Variants in CCNI observed in about 807,000 individuals in gnomAD.
CCNI encodes cyclin-I.
CCNI carries 14 observed loss-of-function variants against 34.1 expected under a neutral mutation model. The ratio of observed to expected loss-of-function variants is 0.41; its 90% confidence interval spans 0.27 to 0.64. CCNI has a LOEUF of 0.64. Among genes scored for constraint, CCNI ranks in the 30% least tolerant of loss-of-function variants. The pLI is 0.31. For synonymous variants in CCNI, 154 were observed against 158.4 expected (o/e 0.97, Z 0.21); for missense variants, 385 against 440.5 (o/e 0.87, Z 1.13).
In CCNI at chr4:77,048,098, TGG is replaced by T; in HGVS notation, c.*119_*120del. 1.6e-6 allele frequency: 1 copy of T among 620,408 alleles called. No homozygotes were observed. Among genetic ancestry groups the T allele is most frequent in the Non-Finnish European group, 2.7e-6 (1 of 368,854 alleles). 38.4% of individuals were successfully genotyped at this position (620,408 alleles called of 1,614,324 possible). A position where few individuals can be genotyped will look rare whatever the true frequency, so the allele number is the denominator to read the frequency against. On this transcript the variant is annotated 3_prime_UTR_variant, in exon 7 of 7. Transcript: ENST00000237654. Reference sequence around the variant, plus strand: ...TAATGAGAGTTTTATTTTTTTTTTCTGGCTCACTCCAAATCAGCCTGTTAAGG... The same window carrying T: ...TAATGAGAGTTTTATTTTTTTTTTCTCTCACTCCAAATCAGCCTGTTAAGG...
Position 77,075,957 on chromosome 4 carries a change from C to A in CCNI, c.-529G>T, listed in dbSNP as rs1311836546. The A allele has an allele frequency of 6.6e-6, 1 of 151,504 alleles. No individual in the cohort carries two copies. Among genetic ancestry groups the A allele is most frequent in the Non-Finnish European group, 1.5e-5 (1 of 67,914 alleles). The allele number at this position is 151,504 out of a possible 1,614,324, so 9.4% of individuals were successfully genotyped here. A position where few individuals can be genotyped will look rare whatever the true frequency, so the allele number is the denominator to read the frequency against. On this transcript the variant is annotated 5_prime_UTR_variant, in exon 1 of 7. Transcript: ENST00000237654. The stretch of plus-strand genomic sequence containing the variant: ...AGAAAAAGCGAGACAGAGGCGCTGC[C>A]GCGTCCGCTCGCGGGGAAGGCTGGG...
chr4:77,057,829 G>A (rs4252876), intron 3 of CCNI, among the ~76,000 whole-genome samples: 77 of 152,304 alleles, frequency 5.1e-4, no homozygotes, highest in African/African-American at 1.5e-3. Flanking sequence ...TCAATAAGTA[G>A]TGACAGAGAA....
intron 1 of CCNI, among the ~76,000 whole-genome samples, chr4:77,070,733 G>A (rs963392434): frequency 6.6e-6 from 1 of 152,052 alleles, no homozygotes; most frequent in Non-Finnish European, 1.5e-5. Context: ...GCTCATTCCT[G>A]TAATTCCAAC....
At chr4:77,064,523 G>T (rs1728867730) in intron 2 of CCNI, among the ~76,000 whole-genome samples, 1 of 150,938 alleles carries the variant, frequency 6.6e-6, no homozygotes, top group South Asian at 2.1e-4. Context: ...CAGATACTCA[G>T]CAGACATTTG....
intron 2 of CCNI, among the ~76,000 whole-genome samples, chr4:77,063,894 G>A (rs146836139): frequency 1.3e-5 from 2 of 152,078 alleles, no homozygotes; most frequent in East Asian, 3.9e-4. Context: ...CAGAAGTTCT[G>A]ATACTATTCT....
chr4:77,049,276 A>AC (rs1475425745), intron 6 of CCNI, among the ~76,000 whole-genome samples: 1 of 152,090 alleles, frequency 6.6e-6, no homozygotes, highest in Non-Finnish European at 1.5e-5. Flanking sequence ...ATTCCTTCTT[A>AC]CCCTTCAGGA....
chr4:77,056,910 T>C (rs1728282610), intron 3 of CCNI, among the ~76,000 whole-genome samples: 1 of 152,116 alleles, frequency 6.6e-6, no homozygotes, highest in South Asian at 2.1e-4. Flanking sequence ...ACTGTTAGCA[T>C]TACAATCCTA....
intron 2 of CCNI, chr4:77,064,701 A>T (rs2109829823): frequency 6.9e-6 from 1 of 144,798 alleles, no homozygotes; most frequent in East Asian, 2.0e-4. Flanking sequence ...TTTGAGACGG[A>T]GTCTCACTTA....
intron 1 of CCNI, among the ~76,000 whole-genome samples, chr4:77,074,529 G>A (rs1729746811): frequency 6.6e-6 from 1 of 152,152 alleles, no homozygotes; most frequent in African/African-American, 2.4e-5. Flanking sequence ...TTTTAGCCGC[G>A]TTACCTAAGG....
Position 77,055,221 on chromosome 4 carries a change from C to T in CCNI, c.619G>A (p.Val207Ile), listed in dbSNP as rs4252903. The T allele has an allele frequency of 1.1e-3, 1,837 of 1,614,142 alleles. 20 individuals carry two copies. In the African/African-American group the frequency reaches 0.021, roughly 19 times the overall value. The part of the protein sequence containing the change: ...FRGSMLALAM[V>I]SLEMEKLIPD... ...ATGAGTTTCTCCATTTCCAGACTAACCATGGCCAGAGCAAGCATGGATCCT... is the reference window on the plus strand; with the variant it reads ...ATGAGTTTCTCCATTTCCAGACTAATCATGGCCAGAGCAAGCATGGATCCT... Residue 207 changes from valine (V) to isoleucine (I), a missense_variant, in exon 6 of 7, where the codon GTT becomes ATT. Val to Ile is a conservative substitution (Grantham distance 29, BLOSUM62 3). This residue lies in a region of CCNI where 250 missense variants were observed against 248.7 expected (regional missense o/e 1.01). Coordinates refer to ENST00000237654, the MANE Select transcript of CCNI (RefSeq NM_006835.3).
Position 77,053,379 on chromosome 4 carries a change from G to A in CCNI, c.690+1771C>T, listed in dbSNP as rs182467449. On this transcript the variant is annotated intron_variant, in intron 6 of 6. Coordinates refer to ENST00000237654, the MANE Select transcript of CCNI (RefSeq NM_006835.3). ...ACACCAGAGCTATAAAATAAAGGAGGTGAATGAAATAACTTCTCCAAAGAT... is the reference window on the plus strand; with the variant it reads ...ACACCAGAGCTATAAAATAAAGGAGATGAATGAAATAACTTCTCCAAAGAT... Among the ~76,000 whole-genome samples the A allele has an allele frequency of 1.4e-4, 22 of 152,244 alleles. No homozygotes were observed. In the East Asian group the frequency reaches 4.1e-3, roughly 28 times the overall value.
At position 77,048,674 on chromosome 4, in the gene CCNI, A is replaced by T. The variant is rs540335989; in HGVS notation, c.691-12T>A. On this transcript the variant is annotated splice_polypyrimidine_tract_variant and intron_variant, in intron 6 of 6. Transcript: ENST00000237654. ...TGGGAGCTATCCATCTGGGCCAGGAAAAAAAAAAAGCCACACACAGTTGAT... is the reference window on the plus strand; with the variant it reads ...TGGGAGCTATCCATCTGGGCCAGGATAAAAAAAAAGCCACACACAGTTGAT... The T allele has an allele frequency of 1.2e-5, 17 of 1,440,076 alleles. No homozygotes were observed. The highest frequency in any genetic ancestry group is 8.6e-5 in the African/African-American group (6 of 69,540). 89.2% of individuals were successfully genotyped at this position (1,440,076 alleles called of 1,614,324 possible).
At chr4:77,054,104 TA>T (rs34542916) in intron 6 of CCNI, among the ~76,000 whole-genome samples, 5,722 of 151,008 alleles carry the variant, frequency 0.038, 371 homozygotes, top group African/African-American at 0.13. Context: ...CATACTTGTT[TA>T]AAAAAAAAAT....
At chr4:77,072,452 CAAAA>C (rs11327592) in intron 1 of CCNI, among the ~76,000 whole-genome samples, 2 of 62,226 alleles carry the variant, frequency 3.2e-5, no homozygotes, top group Admixed American at 2.4e-4. Flanking sequence ...CTGTCTCCAC[CAAAA>C]AAAAAAAAAA....
rs1325283137 is a variant in CCNI at position 77,075,557 on chromosome 4, A to G, written c.-129T>C. ...ACGCGGGGTCATCCGGGGGCCCGTTACCACCTCATTCTCATAGGCGCGCGG... is the reference window on the plus strand; with the variant it reads ...ACGCGGGGTCATCCGGGGGCCCGTTGCCACCTCATTCTCATAGGCGCGCGG... On this transcript the variant is annotated 5_prime_UTR_variant, in exon 1 of 7. An upstream open reading frame in the 5' UTR loses its in-frame stop. Coordinates refer to ENST00000237654, the MANE Select transcript of CCNI (RefSeq NM_006835.3). The G allele has an allele frequency of 2.0e-6, 2 of 988,458 alleles. 1 individual carries two copies. The highest frequency in any genetic ancestry group is 1.2e-4 in the Admixed American group (2 of 16,290). 61.2% of individuals were successfully genotyped at this position (988,458 alleles called of 1,614,324 possible). A position where few individuals can be genotyped will look rare whatever the true frequency, so the allele number is the denominator to read the frequency against.
At chr4:77,065,807 A>G (rs1447918702) in intron 2 of CCNI, among the ~76,000 whole-genome samples, 2 of 152,206 alleles carry the variant, frequency 1.3e-5, no homozygotes, top group African/African-American at 4.8e-5. Context: ...AGGAGTTTTT[A>G]AAAAAGAAGA....
chr4:77,050,461 G>C (rs531175348), intron 6 of CCNI, among the ~76,000 whole-genome samples: 3 of 152,168 alleles, frequency 2.0e-5, no homozygotes, highest in African/African-American at 7.2e-5. Flanking sequence ...AAAAATACCA[G>C]AGGAAAGAAT....
In CCNI at chr4:77,048,067, C is replaced by A; in HGVS notation, c.*152G>T. ...AATAACGCTGAATTATAATTAGCCA[C>A]ACAAATAATGAGAGTTTTATTTTTT... On this transcript the variant is annotated 3_prime_UTR_variant, in exon 7 of 7. Coordinates refer to ENST00000237654, the MANE Select transcript of CCNI (RefSeq NM_006835.3). 1 of 520,432 alleles carries A rather than the reference C, an allele frequency of 1.9e-6. No individual in the cohort carries two copies. The highest frequency in any genetic ancestry group is 3.5e-5 in the South Asian group (1 of 28,896). 32.2% of individuals were successfully genotyped at this position (520,432 alleles called of 1,614,324 possible). A position where few individuals can be genotyped will look rare whatever the true frequency, so the allele number is the denominator to read the frequency against.
intron 1 of CCNI, among the ~76,000 whole-genome samples, chr4:77,070,168 C>T (rs543549355): frequency 4.6e-5 from 7 of 152,092 alleles, no homozygotes; most frequent in African/African-American, 1.7e-4. Flanking sequence ...CAGGCACACA[C>T]CACCACACAT....
Sources: gnomAD v4.1 joint callset for allele counts (sites outside exome capture counted in the v4.1 genomes callset) on GRCh38, gnomAD v4.1.1 for gene constraint, gnomAD v4.1.1 regional missense constraint, MANE v1.5 for transcripts, NCBI Gene and HGNC (gene_info 2026-07-23, HGNC 2026-07-21) for gene names.